Variants in MIPEP observed in about 807,000 individuals in gnomAD.
MIPEP encodes mitochondrial intermediate peptidase.
MIPEP carries 79 observed loss-of-function variants against 90.3 expected under a neutral mutation model. The ratio of observed to expected loss-of-function variants is 0.87; its 90% CI spans 0.73 to 1.05. The LOEUF (loss-of-function observed/expected upper bound fraction) is 1.05, where lower values mean the gene tolerates loss of function less well. MIPEP is among the 50% of genes least tolerant of loss of function. The pLI is 0.00. For missense variants in MIPEP, 940 were observed against 905.6 expected (o/e 1.04, Z -0.49); for synonymous variants, 334 against 315.8 (o/e 1.06, Z -0.61).
chr13:23,869,970 C>T (rs771082239), intron 6 of MIPEP, 43 bp downstream of exon 6: 1 of 1,465,088 alleles, frequency 6.8e-7, no homozygotes, highest in Admixed American at 2.1e-5. Flanking sequence ...AGTAGCAACA[C>T]ACAAATGGGA....
intron 17 of MIPEP, among the ~76,000 whole-genome samples, chr13:23,759,145 A>G (rs1307109189): frequency 1.3e-5 from 2 of 152,220 alleles, no homozygotes; most frequent in South Asian, 2.1e-4. Flanking sequence ...TTTCAAAGAA[A>G]GAGCCTTCTA....
At chr13:23,831,362 G>A (rs1359843827) in intron 14 of MIPEP, among the ~76,000 whole-genome samples, 1 of 120,692 alleles carries the variant, frequency 8.3e-6, no homozygotes, top group Non-Finnish European at 1.7e-5. Flanking sequence ...GGGCGTCGGG[G>A]ACAGCCTAGC....
chr13:23,809,008 A>G (rs901315503), intron 15 of MIPEP, among the ~76,000 whole-genome samples: 1 of 152,220 alleles, frequency 6.6e-6, no homozygotes, highest in Non-Finnish European at 1.5e-5. Context: ...CATAACTCTC[A>G]AGATCTGAAG....
chr13:23,776,761 T>G (rs1288879307), intron 16 of MIPEP, among the ~76,000 whole-genome samples: 2 of 151,970 alleles, frequency 1.3e-5, no homozygotes, highest in African/African-American at 4.8e-5. Flanking sequence ...TTTTTCAAAC[T>G]GTGCACCAGT....
intron 14 of MIPEP, among the ~76,000 whole-genome samples, chr13:23,812,288 G>T (rs1399857069): frequency 6.6e-6 from 1 of 152,058 alleles, no homozygotes; most frequent in Non-Finnish European, 1.5e-5. Context: ...AAATGAATAG[G>T]TGTTAACTAG....
At chr13:23,779,150 T>G (rs1440836227) in intron 16 of MIPEP, among the ~76,000 whole-genome samples, 1 of 152,216 alleles carries the variant, frequency 6.6e-6, no homozygotes, top group Non-Finnish European at 1.5e-5. Flanking sequence ...TTGCCTTTTC[T>G]ATTATTATTT....
intron 14 of MIPEP, 142 bp downstream of exon 14, chr13:23,836,098 T>A: frequency 1.9e-6 from 1 of 531,230 alleles, no homozygotes. Context: ...AGATAGGGAA[T>A]CAGGAAAAAA....
chr13:23,835,146 G>A (rs1236718545), intron 14 of MIPEP, among the ~76,000 whole-genome samples: 1 of 150,694 alleles, frequency 6.6e-6, no homozygotes, highest in Non-Finnish European at 1.5e-5. Context: ...TCAGCCTCCT[G>A]AGTAGCTGTG....
At chr13:23,768,230 C>A (rs1259020681) in intron 16 of MIPEP, among the ~76,000 whole-genome samples, 1 of 152,158 alleles carries the variant, frequency 6.6e-6, no homozygotes, top group Admixed American at 6.5e-5. Flanking sequence ...CAAGTTTACA[C>A]CCGGCTTGAT....
At chr13:23,862,758 T>C (rs1402128697) in intron 8 of MIPEP, among the ~76,000 whole-genome samples, 4 of 152,208 alleles carry the variant, frequency 2.6e-5, no homozygotes, top group Admixed American at 6.5e-5. Flanking sequence ...AGATTTCTAG[T>C]CATTTTTCCC....
At chr13:23,796,517 A>C in intron 16 of MIPEP, among the ~76,000 whole-genome samples, 1 of 152,130 alleles carries the variant, frequency 6.6e-6, no homozygotes, top group Non-Finnish European at 1.5e-5. Flanking sequence ...ATTAACACCA[A>C]AATTGTGCAT....
intron 16 of MIPEP, among the ~76,000 whole-genome samples, chr13:23,774,226 C>T (rs1244854238): frequency 6.7e-6 from 1 of 149,590 alleles, no homozygotes; most frequent in African/African-American, 2.5e-5. Context: ...AAATGTATGG[C>T]TTTTTTTTTT....
At chr13:23,748,719 C>A (rs953890856) in intron 18 of MIPEP, among the ~76,000 whole-genome samples, 1 of 152,144 alleles carries the variant, frequency 6.6e-6, no homozygotes, top group African/African-American at 2.4e-5. Context: ...TTCCTTCCTC[C>A]TAAGTCCCTC....
chr13:23,746,010 GCA>G (rs1373594828), intron 18 of MIPEP, among the ~76,000 whole-genome samples: 1 of 100,110 alleles, frequency 1.0e-5, no homozygotes. Context: ...AGCCCACTCA[GCA>G]CACTTTTTTT....
intron 16 of MIPEP, among the ~76,000 whole-genome samples, chr13:23,761,626 G>C (rs189519550): frequency 2.2e-4 from 33 of 152,308 alleles, no homozygotes; most frequent in Admixed American, 1.3e-3. Context: ...CAATTCATCA[G>C]CAGGTGCAGG....
chr13:23,746,496 TG>T (rs1952385177), intron 18 of MIPEP, among the ~76,000 whole-genome samples: 1 of 151,582 alleles, frequency 6.6e-6, no homozygotes, highest in Non-Finnish European at 1.5e-5. Flanking sequence ...TAGCCAGGCA[TG>T]GTGGCACACG....
chr13:23,829,301 G>A (rs1284878602), intron 14 of MIPEP, among the ~76,000 whole-genome samples: 1 of 152,112 alleles, frequency 6.6e-6, no homozygotes, highest in Non-Finnish European at 1.5e-5. Flanking sequence ...GATTGCTTGA[G>A]GCCAGGAGTT....
rs756611729 is a variant in MIPEP at position 23,874,802 on chromosome 13, G to A, written c.603+44C>T. 4 of 1,490,912 alleles carry A rather than the reference G, an allele frequency of 2.7e-6. No homozygotes were observed. The Admixed American group carries it at 8.6e-5, about 32-fold the overall frequency. 92.4% of individuals were successfully genotyped at this position (1,490,912 alleles called of 1,614,324 possible). Reference sequence around the variant, plus strand: ...GTAGCAATAATGGTATCAACTAAATGTTAGTAAAACTGGAAGAGTCAAAAA... The same window carrying A: ...GTAGCAATAATGGTATCAACTAAATATTAGTAAAACTGGAAGAGTCAAAAA... On this transcript the variant is annotated intron_variant, in intron 5 of 18. Transcript: ENST00000382172.
intron 7 of MIPEP, 91 bp from the exon 8 acceptor site, chr13:23,864,280 ATCCCACAAT>A: frequency 1.1e-6 from 1 of 887,212 alleles, no homozygotes; most frequent in East Asian, 2.8e-5. Context: ...CATAATCTAT[ATCCCACAAT>A]TCCCTTAAAG....
Sources: gnomAD v4.1 joint callset for allele counts (sites outside exome capture counted in the v4.1 genomes callset) on GRCh38, gnomAD v4.1.1 for gene constraint, MANE v1.5 for transcripts, NCBI Gene and HGNC (gene_info 2026-07-23, HGNC 2026-07-21) for gene names.